The following WIPF1 variants were observed in gnomAD, a reference collection of about 807,000 sequenced individuals.
WIPF1 encodes the protein WAS/WASL interacting protein family member 1, also known as WAS/WASL-interacting protein family member 1.
WIPF1 carries 13 observed loss-of-function variants against 35.4 expected under a neutral mutation model. The observed-to-expected ratio is 0.37, with a 90% CI of 0.24 to 0.58. The LOEUF is 0.58. WIPF1 is among the 20% of genes least tolerant of loss of function. The pLI is 0.74. For missense variants in WIPF1, 591 were observed against 667.0 expected (o/e 0.89, Z 1.25); for synonymous variants, 267 against 266.3 (o/e 1.00, Z -0.02).
rs1018351435 is a variant in WIPF1, at chr2:174,657,738, A to G, written c.-39+25036T>C. Among the ~76,000 whole-genome samples the G allele has an allele frequency of 2.0e-5, 3 of 151,948 alleles. 1 individual carries two copies. The highest frequency in any genetic ancestry group is 4.4e-5 in the Non-Finnish European group (3 of 67,990). ...TGAAACCCCATCTCTACTAAAAAAAATAAAAAATAAAAAAATAAAAAATTA... is the reference window on the plus strand; with the variant it reads ...TGAAACCCCATCTCTACTAAAAAAAGTAAAAAATAAAAAAATAAAAAATTA... On this transcript the variant is annotated intron_variant, in intron 1 of 8. Transcript: ENST00000272746.
At chr2:174,630,040 C>T (rs1207035982) in intron 1 of WIPF1, among the ~76,000 whole-genome samples, 3 of 152,180 alleles carry the variant, frequency 2.0e-5, no homozygotes, top group African/African-American at 7.2e-5. Flanking sequence ...TCCAAGATAT[C>T]ACTTAGTGAC....
intron 7 of WIPF1, 143 bp downstream of exon 7, chr2:174,566,927 G>A (rs1684678758): frequency 1.5e-6 from 1 of 650,892 alleles, no homozygotes; most frequent in Non-Finnish European, 2.6e-6. Context: ...ACTGCCTGTG[G>A]AAGGGGAATT....
chr2:174,571,498 C>G lies in WIPF1; in HGVS notation c.1129+178G>C. The G allele has an allele frequency of 1.2e-6, 1 of 801,944 alleles. No individual in the cohort carries two copies. The highest frequency in any genetic ancestry group is 1.7e-5 in the African/African-American group (1 of 59,132). The allele number at this position is 801,944 out of a possible 1,614,324, so 49.7% of individuals were successfully genotyped here. ...AAAACACCAACAGAAATATTGGTCC[C>G]ACTTTCCCCCGGGGTTTACACGAGG... On this transcript the variant is annotated intron_variant, in intron 5 of 7. Coordinates refer to ENST00000679041, the MANE Select transcript of WIPF1 (RefSeq NM_001375834.1). This position sits in a 1 kb window ranked among gnomAD's most constrained non-coding sequence, Gnocchi z 4.6.
chr2:174,574,754 T>C, intron 4 of WIPF1: 1 of 648,652 alleles, frequency 1.5e-6, no homozygotes, highest in Non-Finnish European at 2.8e-6. Context: ...TTTTCAGATT[T>C]AGTGAGATTT....
At chr2:174,676,783 A>G (rs559873810) in intron 1 of WIPF1, 1 of 152,334 alleles carries the variant, frequency 6.6e-6, no homozygotes, top group East Asian at 1.9e-4. Context: ...CACAAGAACA[A>G]AACTTCCCAC....
At chr2:174,577,248 T>A (rs1270488490) in intron 3 of WIPF1, among the ~76,000 whole-genome samples, 1 of 152,214 alleles carries the variant, frequency 6.6e-6, no homozygotes, top group Non-Finnish European at 1.5e-5. Flanking sequence ...AAATGTATTA[T>A]CTTGCATTTT....
intron 1 of WIPF1, among the ~76,000 whole-genome samples, chr2:174,649,018 A>G (rs1185943094): frequency 1.3e-5 from 2 of 152,180 alleles, no homozygotes; most frequent in African/African-American, 4.8e-5. Context: ...TGCTTGAGGG[A>G]GAAGGAGAAA....
chr2:174,568,080 C>A lies in WIPF1; in HGVS notation c.1130-7G>T, dbSNP rs1559145474. ...GGAGGTGGTGGGAGGGGGCCTGGAG[C>A]AAAAAAAGACACTTAGTGCAGAACC... On this transcript the variant is annotated splice_region_variant and splice_polypyrimidine_tract_variant and intron_variant, in intron 5 of 7. Coordinates refer to ENST00000679041, the MANE Select transcript of WIPF1 (RefSeq NM_001375834.1). 3 of 1,599,190 alleles carry A rather than the reference C, an allele frequency of 1.9e-6. No homozygotes were observed. The highest frequency in any genetic ancestry group is 2.0e-4 in the Middle Eastern group (1 of 4,908).
At chr2:174,596,345 C>T (rs1685822555) in intron 1 of WIPF1, among the ~76,000 whole-genome samples, 2 of 152,298 alleles carry the variant, frequency 1.3e-5, no homozygotes, top group Non-Finnish European at 2.9e-5. Context: ...TATTCCAGTA[C>T]AGAAGAACAA....
chr2:174,670,244 T>C (rs536349277), intron 1 of WIPF1, among the ~76,000 whole-genome samples: 1 of 152,152 alleles, frequency 6.6e-6, no homozygotes, highest in Admixed American at 6.5e-5. Flanking sequence ...CCAGACTCTT[T>C]GTCTTATTTC....
intron 1 of WIPF1, among the ~76,000 whole-genome samples, chr2:174,663,571 T>G (rs1452957295): frequency 6.6e-6 from 1 of 151,352 alleles, no homozygotes; most frequent in African/African-American, 2.4e-5. Flanking sequence ...GTTCACTTTG[T>G]GTTTATCAGG....
chr2:174,607,772 C>T (rs35078159), intron 1 of WIPF1, among the ~76,000 whole-genome samples: 4,227 of 152,286 alleles, frequency 0.028, 61 homozygotes, highest in Middle Eastern at 0.048. Flanking sequence ...GCTCTTCCCA[C>T]CAGAGAGGCA....
At chr2:174,605,093 A>G (rs969695743) in intron 1 of WIPF1, among the ~76,000 whole-genome samples, 2 of 152,234 alleles carry the variant, frequency 1.3e-5, no homozygotes, top group African/African-American at 4.8e-5. Context: ...CATGAAGCCA[A>G]TGCAGTAAGA....
At chr2:174,609,479 G>A (rs540096119) in intron 1 of WIPF1, among the ~76,000 whole-genome samples, 30 of 152,074 alleles carry the variant, frequency 2.0e-4, no homozygotes, top group Non-Finnish European at 3.8e-4. Flanking sequence ...AGCCTGCAAT[G>A]GCAGCTGTCA....
chr2:174,681,582 G>A (rs1306363724), intron 1 of WIPF1, among the ~76,000 whole-genome samples: 3 of 152,180 alleles, frequency 2.0e-5, no homozygotes. Context: ...AATTGCTTTG[G>A]GAAGCTGGCA....
chr2:174,625,502 G>A (rs1287967648), intron 1 of WIPF1: 1 of 152,180 alleles, frequency 6.6e-6, no homozygotes, highest in African/African-American at 2.4e-5. Context: ...CAGCTCTGTG[G>A]AATGCATCAC....
chr2:174,566,748 A>G (rs1175025564), intron 7 of WIPF1: 7 of 234,312 alleles, frequency 3.0e-5, no homozygotes, highest in Admixed American at 1.1e-4. Context: ...ACTAGAAGGA[A>G]TAGAAGATGG....
intron 1 of WIPF1, among the ~76,000 whole-genome samples, chr2:174,607,084 A>T (rs1175362456): frequency 6.6e-6 from 1 of 152,174 alleles, no homozygotes; most frequent in African/African-American, 2.4e-5. Flanking sequence ...ACCTAGTCCC[A>T]TGATAAGGAC....
At chr2:174,598,993 A>G (rs1008499415), upstream of WIPF1, among the ~76,000 whole-genome samples, 3 of 152,266 alleles carry the variant, frequency 2.0e-5, no homozygotes, top group Non-Finnish European at 4.4e-5. Flanking sequence ...AAACAGTAAC[A>G]GTCAAAGAAT....
Sources: allele counts gnomAD v4.1 joint callset (sites outside exome capture counted in the v4.1 genomes callset), GRCh38; gene constraint gnomAD v4.1.1; non-coding constraint Gnocchi (gnomAD v3.1); transcripts MANE v1.5; gene names NCBI Gene and HGNC (gene_info 2026-07-23, HGNC 2026-07-21).